Variants in BAK1 observed in about 807,000 individuals in gnomAD.
BAK1 encodes bcl-2 homologous antagonist/killer.
A neutral mutation model predicts 24.7 loss-of-function variants in BAK1; 19 were observed. That is an observed-to-expected ratio of 0.77 (90% CI 0.54 to 1.13). The LOEUF (loss-of-function observed/expected upper bound fraction) is 1.13. Among genes scored for constraint, BAK1 ranks in the 50% most tolerant of loss-of-function variants. The probability of loss-of-function intolerance (pLI) is 0.00; values close to 1 mark genes in which losing one functional copy is unlikely to be tolerated. For synonymous variants in BAK1, 86 were observed against 107.3 expected, an observed-to-expected ratio of 0.80 and a Z score of 1.23; for missense variants, 194 against 279.4, an observed-to-expected ratio of 0.69 and a Z score of 2.18.
At position 33,572,831 on chromosome 6, in the gene BAK1, C is replaced by T. The variant is rs1479876048; in HGVS notation, c.*972G>A. 1 of 152,070 alleles carries T rather than the reference C, an allele frequency of 6.6e-6. No individual in the cohort carries two copies. The highest frequency in any genetic ancestry group is 1.5e-5 in the Non-Finnish European group (1 of 67,858). The allele number at this position is 152,070 out of a possible 1,614,324, so 9.4% of individuals were successfully genotyped here. On this transcript the variant is annotated 3_prime_UTR_variant, in exon 6 of 6. Coordinates refer to ENST00000374467, the MANE Select transcript of BAK1 (RefSeq NM_001188.4). ...CTGTGCCAGAGCCATGAGGGAGGATCCCACCTCTGGGATTCCTAGTGGTGT... is the reference window on the plus strand; with the variant it reads ...CTGTGCCAGAGCCATGAGGGAGGATTCCACCTCTGGGATTCCTAGTGGTGT...
chr6:33,575,579 G>A lies in BAK1; in HGVS notation c.207-138C>T. ...TTGGAGGTCCCTGACAGTGTTCTAA[G>A]ACATGAGTGCTGGGCTCCAGGAGAA... On this transcript the variant is annotated intron_variant, in intron 3 of 5. Coordinates refer to ENST00000374467, the MANE Select transcript of BAK1 (RefSeq NM_001188.4). This position sits in a 1 kb window ranked among gnomAD's most constrained non-coding sequence, Gnocchi z 6.3. 3 of 1,336,682 alleles carry A rather than the reference G, an allele frequency of 2.2e-6. No individual in the cohort carries two copies. Among genetic ancestry groups the A allele is most frequent in the Non-Finnish European group, 3.1e-6 (3 of 967,156 alleles). The allele number at this position is 1,336,682 out of a possible 1,614,324, so 82.8% of individuals were successfully genotyped here.
rs1238233493 is a variant in BAK1, at chr6:33,575,648, G to A, written c.206+145C>T. The A allele has an allele frequency of 2.2e-6, 3 of 1,375,354 alleles. No homozygotes were observed. Among genetic ancestry groups the A allele is most frequent in the African/African-American group, 2.9e-5 (2 of 69,276 alleles). 85.2% of individuals were successfully genotyped at this position (1,375,354 alleles called of 1,614,324 possible). On this transcript the variant is annotated intron_variant, in intron 3 of 5. Coordinates refer to ENST00000374467, the MANE Select transcript of BAK1 (RefSeq NM_001188.4). The surrounding 1 kb of genome is among the most constrained non-coding windows in gnomAD (Gnocchi z 6.3). ...AAAGGATACAAGGTCCTGGATGGGGGTGGGAGCCCAACATAAAAGAGGAGC... is the reference window on the plus strand; with the variant it reads ...AAAGGATACAAGGTCCTGGATGGGGATGGGAGCCCAACATAAAAGAGGAGC...
intron 4 of BAK1, 127 bp from the exon 5 acceptor site, chr6:33,574,341 C>A: frequency 7.0e-7 from 1 of 1,428,262 alleles, no homozygotes; most frequent in South Asian, 1.3e-5. Flanking sequence ...GCCGCAGAGG[C>A]TGCCCCAACC....
chr6:33,576,022 C>T, intron 2 of BAK1, 94 bp from the exon 3 acceptor site: 1 of 1,545,158 alleles, frequency 6.5e-7, no homozygotes. Context: ...CCATAGCTGT[C>T]CTCACCCATG....
chr6:33,575,129 C>T lies in BAK1; in HGVS notation c.350+169G>A. On this transcript the variant is annotated intron_variant, in intron 4 of 5. Transcript: ENST00000374467. This position sits in a 1 kb window ranked among gnomAD's most constrained non-coding sequence, Gnocchi z 6.3. ...AATGCCCAAAATACAAGTCTGGGACCCCGAAAGAGAAAAATAGGGGGCCGA... is the reference window on the plus strand; with the variant it reads ...AATGCCCAAAATACAAGTCTGGGACTCCGAAAGAGAAAAATAGGGGGCCGA... 1 of 1,004,894 alleles carries T rather than the reference C, an allele frequency of 1.0e-6. No individual in the cohort carries two copies. Among genetic ancestry groups the T allele is most frequent in the African/African-American group, 1.6e-5 (1 of 62,388 alleles). The allele number at this position is 1,004,894 out of a possible 1,614,324, so 62.2% of individuals were successfully genotyped here. A position where few individuals can be genotyped will look rare whatever the true frequency, so the allele number is the denominator to read the frequency against.
chr6:33,579,708 T>A (rs143389634), intron 1 of BAK1, among the ~76,000 whole-genome samples: 49 of 152,218 alleles, frequency 3.2e-4, no homozygotes, highest in African/African-American at 1.2e-3. Context: ...AGTCTAGGGA[T>A]GTTGGGCAGC....
rs1423694713 is a variant in BAK1, at chr6:33,577,054, G to A, written c.70+481C>T. On this transcript the variant is annotated intron_variant, in intron 2 of 5. Coordinates refer to ENST00000374467, the MANE Select transcript of BAK1 (RefSeq NM_001188.4). The surrounding 1 kb of genome is among the most constrained non-coding windows in gnomAD (Gnocchi z 4.6). ...ACCTGATTCCCAAGTCCAGGGAACA[G>A]CCCGCCGTGAGGTGTGAGCTGGGGC... Among the ~76,000 whole-genome samples the A allele has an allele frequency of 6.6e-6, 1 of 152,208 alleles. No homozygotes were observed. Among genetic ancestry groups the A allele is most frequent in the Non-Finnish European group, 1.5e-5 (1 of 68,034 alleles).
In BAK1 at chr6:33,577,407, TG is replaced by T; in HGVS notation, c.70+127del. The stretch of plus-strand genomic sequence containing the variant: ...CAGCTCCAGCCTCTGAGCCCGTGGG[TG>T]GGGAAGAGTATTCCCCACCCACAGT... On this transcript the variant is annotated intron_variant, in intron 2 of 5. Transcript: ENST00000374467. This position sits in a 1 kb window ranked among gnomAD's most constrained non-coding sequence, Gnocchi z 4.6. 1.1e-6 allele frequency: 1 copy of T among 897,138 alleles called. No individual in the cohort carries two copies. Among genetic ancestry groups the T allele is most frequent in the Non-Finnish European group, 1.6e-6 (1 of 615,322 alleles). 55.6% of individuals were successfully genotyped at this position (897,138 alleles called of 1,614,324 possible). A position where few individuals can be genotyped will look rare whatever the true frequency, so the allele number is the denominator to read the frequency against.
intron 4 of BAK1, chr6:33,574,585 A>G: frequency 7.7e-7 from 1 of 1,306,572 alleles, no homozygotes; most frequent in Non-Finnish European, 1.0e-6. Flanking sequence ...AGTTCCTGTC[A>G]TCACAGTGGT....
rs890590689 is a variant in BAK1 at position 33,575,523 on chromosome 6, C to T, written c.207-82G>A. 1.2e-5 allele frequency: 19 copies of T among 1,576,296 alleles called. No individual in the cohort carries two copies. Among genetic ancestry groups the T allele is most frequent in the African/African-American group, 6.8e-5 (5 of 74,070 alleles). On this transcript the variant is annotated intron_variant, in intron 3 of 5. Coordinates refer to ENST00000374467, the MANE Select transcript of BAK1 (RefSeq NM_001188.4). This position sits in a 1 kb window ranked among gnomAD's most constrained non-coding sequence, Gnocchi z 6.3. The stretch of plus-strand genomic sequence containing the variant: ...CTGGCTCATGGCAGAGGGGTTCTGC[C>T]TGAGCTGTCCATGGCCCTGTGCATC...
chr6:33,575,057 CT>C lies in BAK1; in HGVS notation c.350+240del, dbSNP rs1363090289. Among the ~76,000 whole-genome samples, 1 of 152,228 alleles carries C rather than the reference CT, an allele frequency of 6.6e-6. No homozygotes were observed. The highest frequency in any genetic ancestry group is 2.4e-5 in the African/African-American group (1 of 41,462). ...CTCAGGCCCCCTCTAGAGTCCTGAT[CT>C]AACCAGTCAAGACCTTGGAGTCAGA... On this transcript the variant is annotated intron_variant, in intron 4 of 5. Transcript: ENST00000374467. The surrounding 1 kb of genome is among the most constrained non-coding windows in gnomAD (Gnocchi z 6.3).
rs1405478037 is a variant in BAK1 at position 33,577,669 on chromosome 6, G to A, written c.-31-34C>T. The A allele has an allele frequency of 1.8e-5, 26 of 1,418,806 alleles. No individual in the cohort carries two copies. Among genetic ancestry groups the A allele is most frequent in the Non-Finnish European group, 1.4e-5 (15 of 1,037,898 alleles). The allele number at this position is 1,418,806 out of a possible 1,614,324, so 87.9% of individuals were successfully genotyped here. A position where few individuals can be genotyped will look rare whatever the true frequency, so the allele number is the denominator to read the frequency against. Reference sequence around the variant, plus strand: ...AAGGGCGAGAAAAAGCAGAGATGGGGGTGAGCACAGACCTGTGACTGGGGA... The same window carrying A: ...AAGGGCGAGAAAAAGCAGAGATGGGAGTGAGCACAGACCTGTGACTGGGGA... On this transcript the variant is annotated intron_variant, in intron 1 of 5. Coordinates refer to ENST00000374467, the MANE Select transcript of BAK1 (RefSeq NM_001188.4). This position sits in a 1 kb window ranked among gnomAD's most constrained non-coding sequence, Gnocchi z 4.6.
chr6:33,573,920 AC>A lies in BAK1; in HGVS notation c.532-14del. 1 of 1,614,162 alleles carries A rather than the reference AC, an allele frequency of 6.2e-7. No homozygotes were observed. Among genetic ancestry groups the A allele is most frequent in the Non-Finnish European group, 8.5e-7 (1 of 1,179,986 alleles). ...TCAGGGCTGCCACCTGCCGGGAGAA[AC>A]AAGGTGGTCACAGAGAGGCTAGCAG... On this transcript the variant is annotated splice_polypyrimidine_tract_variant and intron_variant, in intron 5 of 5. Coordinates refer to ENST00000374467, the MANE Select transcript of BAK1 (RefSeq NM_001188.4).
At position 33,575,562 on chromosome 6, in the gene BAK1, C is replaced by G; in HGVS notation, c.207-121G>C. The stretch of plus-strand genomic sequence containing the variant: ...GCCCTGTGCATCCCTTCTTGGAGGT[C>G]CCTGACAGTGTTCTAAGACATGAGT... On this transcript the variant is annotated intron_variant, in intron 3 of 5. Coordinates refer to ENST00000374467, the MANE Select transcript of BAK1 (RefSeq NM_001188.4). The surrounding 1 kb of genome is among the most constrained non-coding windows in gnomAD (Gnocchi z 6.3). The G allele has an allele frequency of 7.1e-7, 1 of 1,409,058 alleles. No homozygotes were observed. Among genetic ancestry groups the G allele is most frequent in the South Asian group, 1.2e-5 (1 of 80,116 alleles). The allele number at this position is 1,409,058 out of a possible 1,614,324, so 87.3% of individuals were successfully genotyped here. A position where few individuals can be genotyped will look rare whatever the true frequency, so the allele number is the denominator to read the frequency against.
At chr6:33,579,023 C>A (rs556208492) in intron 1 of BAK1, among the ~76,000 whole-genome samples, 1 of 152,344 alleles carries the variant, frequency 6.6e-6, no homozygotes, top group Admixed American at 6.5e-5. Context: ...CCCACTCCTC[C>A]TCGATCTGCC....
Position 33,575,741 on chromosome 6 carries a change from G to T in BAK1, c.206+52C>A. On this transcript the variant is annotated intron_variant, in intron 3 of 5. Transcript: ENST00000374467. This position sits in a 1 kb window ranked among gnomAD's most constrained non-coding sequence, Gnocchi z 6.3. ...CCAGGACCTGCACAGAGACCCATGC[G>T]AGCTACTGCCTCCCTGAAGATGTCC... 2 of 1,598,734 alleles carry T rather than the reference G, an allele frequency of 1.3e-6. No individual in the cohort carries two copies. Among genetic ancestry groups the T allele is most frequent in the Non-Finnish European group, 1.7e-6 (2 of 1,171,466 alleles).
chr6:33,575,187 A>T lies in BAK1; in HGVS notation c.350+111T>A. 1 of 1,514,172 alleles carries T rather than the reference A, an allele frequency of 6.6e-7. No homozygotes were observed. Among genetic ancestry groups the T allele is most frequent in the South Asian group, 1.1e-5 (1 of 87,836 alleles). 93.8% of individuals were successfully genotyped at this position (1,514,172 alleles called of 1,614,324 possible). A position where few individuals can be genotyped will look rare whatever the true frequency, so the allele number is the denominator to read the frequency against. On this transcript the variant is annotated intron_variant, in intron 4 of 5. Coordinates refer to ENST00000374467, the MANE Select transcript of BAK1 (RefSeq NM_001188.4). The surrounding 1 kb of genome is among the most constrained non-coding windows in gnomAD (Gnocchi z 6.3). Reference sequence around the variant, plus strand: ...TGTGAGTTCACAGCAGACATTGGACACTGACAGAAGGCTTCTCCCCATGCC... The same window carrying T: ...TGTGAGTTCACAGCAGACATTGGACTCTGACAGAAGGCTTCTCCCCATGCC...
chr6:33,576,031 T>C, intron 2 of BAK1, 103 bp from the exon 3 acceptor site: 4 of 1,519,696 alleles, frequency 2.6e-6, no homozygotes, highest in Admixed American at 2.0e-5. Flanking sequence ...TCCTCACCCA[T>C]GGAAAGAAAT....
In BAK1 at chr6:33,575,179, C is replaced by T. The variant is rs1762822281; in HGVS notation, c.350+119G>A. The stretch of plus-strand genomic sequence containing the variant: ...AGACCACATGTGAGTTCACAGCAGA[C>T]ATTGGACACTGACAGAAGGCTTCTC... On this transcript the variant is annotated intron_variant, in intron 4 of 5. Transcript: ENST00000374467. The surrounding 1 kb of genome is among the most constrained non-coding windows in gnomAD (Gnocchi z 6.3). 6.8e-7 allele frequency: 1 copy of T among 1,466,340 alleles called. No individual in the cohort carries two copies. The highest frequency in any genetic ancestry group is 2.3e-5 in the East Asian group (1 of 43,794). The allele number at this position is 1,466,340 out of a possible 1,614,324, so 90.8% of individuals were successfully genotyped here. A position where few individuals can be genotyped will look rare whatever the true frequency, so the allele number is the denominator to read the frequency against.
Sources: gnomAD v4.1 joint callset for allele counts (sites outside exome capture counted in the v4.1 genomes callset) on GRCh38, gnomAD v4.1.1 for gene constraint, Gnocchi (gnomAD v3.1) non-coding constraint, MANE v1.5 for transcripts, NCBI Gene and HGNC (gene_info 2026-07-23, HGNC 2026-07-21) for gene names.